TRPM3: variants seen among roughly 807,000 people sequenced by gnomAD.
TRPM3 encodes long transient receptor potential channel 3.
A neutral mutation model predicts 181.2 loss-of-function variants in TRPM3; 77 were observed. The observed-to-expected ratio is 0.42, with a 90% CI of 0.35 to 0.51. The LOEUF is 0.51. Among genes scored for constraint, TRPM3 ranks in the 20% least tolerant of loss-of-function variants. TRPM3 has a pLI of 0.01. For missense variants in TRPM3, 1,759 were observed against 2,196.7 expected (o/e 0.80, Z 3.98); for synonymous variants, 745 against 796.4 (o/e 0.94, Z 1.09).
At chr9:70,995,642 G>A (rs1004776979) in intron 1 of TRPM3, among the ~76,000 whole-genome samples, 3 of 152,048 alleles carry the variant, frequency 2.0e-5, no homozygotes, top group Non-Finnish European at 2.9e-5. Context: ...CTCGTCATTC[G>A]TCACACCAGA....
rs12686155 is a variant in TRPM3 at position 71,138,830 on chromosome 9, T to A, written c.184-274319A>T. Among the ~76,000 whole-genome samples the A allele has an allele frequency of 4.6e-5, 7 of 152,160 alleles. 1 individual carries two copies. The highest frequency in any genetic ancestry group is 3.3e-4 in the Admixed American group (5 of 15,268). ...TACTTACAACTTACATTTCACATAGTTACATATGTCTCCTTTCTTCAATAT... is the reference window on the plus strand; with the variant it reads ...TACTTACAACTTACATTTCACATAGATACATATGTCTCCTTTCTTCAATAT... On this transcript the variant is annotated intron_variant, in intron 1 of 24. Transcript: ENST00000357533.
chr9:70,917,508 C>G (rs936040562), intron 1 of TRPM3: 24 of 698,430 alleles, frequency 3.4e-5, no homozygotes, highest in African/African-American at 2.6e-4. Flanking sequence ...GGAGCCACCA[C>G]GATAACTGGG....
intron 1 of TRPM3, among the ~76,000 whole-genome samples, chr9:71,340,978 G>A (rs745801320): frequency 6.6e-6 from 1 of 151,988 alleles, no homozygotes; most frequent in Non-Finnish European, 1.5e-5. Context: ...TTGTCAAAAC[G>A]GCACAGAAGC....
intron 1 of TRPM3, among the ~76,000 whole-genome samples, chr9:70,952,208 C>T (rs770427130): frequency 2.0e-5 from 3 of 152,158 alleles, no homozygotes; most frequent in Non-Finnish European, 4.4e-5. Flanking sequence ...AGTTTTATTG[C>T]TCATTTTACA....
chr9:70,821,929 C>A (rs1015439622), intron 6 of TRPM3, among the ~76,000 whole-genome samples: 1 of 152,162 alleles, frequency 6.6e-6, no homozygotes, highest in Non-Finnish European at 1.5e-5. Context: ...AAATTTACAA[C>A]CACAAATACC....
In TRPM3 at chr9:70,584,859, C is replaced by A. The variant is rs577090230; in HGVS notation, c.3223+6172G>T. 2.0e-5 allele frequency among the ~76,000 whole-genome samples: 3 copies of A among 152,336 alleles called. No homozygotes were observed. The South Asian group carries it at 6.2e-4, about 32-fold the overall frequency. On this transcript the variant is annotated intron_variant, in intron 22 of 25. Coordinates refer to ENST00000677713, the MANE Select transcript of TRPM3 (RefSeq NM_001366145.2). ...TTCCCTCTCTGCCATGTGGGCACAG[C>A]AAAGCCTCAATCTTGGATTAATCCA...
chr9:71,229,207 T>A (rs893627073), intron 1 of TRPM3, among the ~76,000 whole-genome samples: 2 of 152,082 alleles, frequency 1.3e-5, no homozygotes, highest in Admixed American at 6.6e-5. Context: ...GCCAAATGCA[T>A]GCATTGGGGA....
chr9:70,952,434 T>C, intron 1 of TRPM3, among the ~76,000 whole-genome samples: 1 of 152,158 alleles, frequency 6.6e-6, no homozygotes. Flanking sequence ...GGAATAAAAA[T>C]AATATAGAGA....
chr9:70,974,432 G>A (rs922087135), intron 1 of TRPM3, among the ~76,000 whole-genome samples: 10 of 151,942 alleles, frequency 6.6e-5, no homozygotes, highest in Admixed American at 1.3e-4. Flanking sequence ...CCAGCTACTC[G>A]GGAGGCTGAG....
rs189889634 is a variant in TRPM3, at chr9:71,030,225, A to G, written c.177+90953T>C. 3.3e-5 allele frequency among the ~76,000 whole-genome samples: 5 copies of G among 152,348 alleles called. No homozygotes were observed. The East Asian group carries it at 9.6e-4, about 29-fold the overall frequency. On this transcript the variant is annotated intron_variant, in intron 1 of 25. Coordinates refer to ENST00000677713, the MANE Select transcript of TRPM3 (RefSeq NM_001366145.2). Reference sequence around the variant, plus strand: ...AGAAAGTTGTTTAAATTATTTAAAAATATTTTGCCATTGCAAATTATTTCA... The same window carrying G: ...AGAAAGTTGTTTAAATTATTTAAAAGTATTTTGCCATTGCAAATTATTTCA...
Position 71,227,255 on chromosome 9 carries a change from T to C in TRPM3, c.183+219398A>G, listed in dbSNP as rs528006817. The stretch of plus-strand genomic sequence containing the variant: ...AAACAGTATGTTTCTGAATGACCAG[T>C]GAATCAACAAAGAGATTAAGAAAAA... On this transcript the variant is annotated intron_variant, in intron 1 of 24. Coordinates refer to the TRPM3 transcript ENST00000357533. Among the ~76,000 whole-genome samples the C allele has an allele frequency of 2.6e-5, 4 of 151,928 alleles. No homozygotes were observed. The East Asian group carries it at 5.8e-4, about 22-fold the overall frequency.
At chr9:71,045,066 T>A (rs928842136) in intron 1 of TRPM3, among the ~76,000 whole-genome samples, 3 of 151,744 alleles carry the variant, frequency 2.0e-5, no homozygotes, top group African/African-American at 7.3e-5. Flanking sequence ...TCACTTTTAA[T>A]ACTCCTGTAG....
rs146455425 is a variant in TRPM3, at chr9:70,949,820, T to C, written c.178-85309A>G. Among the ~76,000 whole-genome samples, 724 of 152,326 alleles carry C rather than the reference T, an allele frequency of 4.8e-3. 2 individuals carry two copies. The highest frequency in any genetic ancestry group is 6.8e-3 in the Middle Eastern group (2 of 294). ...TTAGTACAAACTTGGTGAAGGTTTC[T>C]GGAGGAAATTTAACATTCATTCTTT... On this transcript the variant is annotated intron_variant, in intron 1 of 25. Coordinates refer to ENST00000677713, the MANE Select transcript of TRPM3 (RefSeq NM_001366145.2).
At chr9:71,279,509 G>A (rs866201693) in intron 1 of TRPM3, among the ~76,000 whole-genome samples, 16 of 152,184 alleles carry the variant, frequency 1.1e-4, no homozygotes, top group Admixed American at 5.2e-4. Context: ...TTTTTACCAT[G>A]CACATGTGTT....
rs981096900 is a variant in TRPM3 at position 71,412,011 on chromosome 9, T to A, written c.183+34642A>T. Among the ~76,000 whole-genome samples, 64 of 152,266 alleles carry A rather than the reference T, an allele frequency of 4.2e-4. 1 individual carries two copies. The highest frequency in any genetic ancestry group is 1.5e-3 in the African/African-American group (61 of 41,562). On this transcript the variant is annotated intron_variant, in intron 1 of 24. Coordinates refer to the TRPM3 transcript ENST00000357533. Reference sequence around the variant, plus strand: ...AAGAAATGGGGAAAGGATTACCTATTCAATAAAAGGTGCTGGGAAAACAGG... The same window carrying A: ...AAGAAATGGGGAAAGGATTACCTATACAATAAAAGGTGCTGGGAAAACAGG...
chr9:71,428,390 C>T (rs1201319698), intron 1 of TRPM3, among the ~76,000 whole-genome samples: 1 of 151,938 alleles, frequency 6.6e-6, no homozygotes, highest in Admixed American at 6.6e-5. Context: ...GCCACCACGC[C>T]AGTCAGCCTG....
At chr9:71,392,808 T>C (rs547660558) in intron 1 of TRPM3, among the ~76,000 whole-genome samples, 2 of 152,288 alleles carry the variant, frequency 1.3e-5, no homozygotes, top group East Asian at 3.9e-4. Context: ...GAGAATGGCA[T>C]TTAAGATATT....
chr9:70,994,861 T>C (rs567419665), intron 1 of TRPM3, among the ~76,000 whole-genome samples: 2 of 152,336 alleles, frequency 1.3e-5, no homozygotes, highest in South Asian at 4.1e-4. Flanking sequence ...ACAGTTTATT[T>C]ATCCCTGCTG....
At chr9:71,289,875 CAAA>C (rs71352367) in intron 1 of TRPM3, among the ~76,000 whole-genome samples, 1,705 of 39,180 alleles carry the variant, frequency 0.044, 12 homozygotes, top group South Asian at 0.17. Context: ...GACTCTGTCT[CAAA>C]AAAAAAAAAA....
Sources: gnomAD v4.1 joint callset for allele counts (sites outside exome capture counted in the v4.1 genomes callset) on GRCh38, gnomAD v4.1.1 for gene constraint, MANE v1.5 for transcripts, NCBI Gene and HGNC (gene_info 2026-07-23, HGNC 2026-07-21) for gene names.